Variants in ADGRE1 observed in about 807,000 individuals in gnomAD.
ADGRE1 encodes adhesion G protein-coupled receptor E1, also known as EGF-like module receptor 1.
A neutral mutation model predicts 102.7 loss-of-function variants in ADGRE1; 82 were observed. The observed-to-expected ratio is 0.80, with a 90% CI of 0.67 to 0.96. The LOEUF (loss-of-function observed/expected upper bound fraction) is 0.96. ADGRE1 is among the 40% of genes least tolerant of loss of function. ADGRE1 has a pLI of 0.00. For synonymous variants in ADGRE1, 398 were observed against 399.6 expected (o/e 1.00, Z 0.05); for missense variants, 1,032 against 1,085.3 (o/e 0.95, Z 0.69).
intron 5 of ADGRE1, chr19:6,898,511 G>A: frequency 6.4e-7 from 1 of 1,558,602 alleles, no homozygotes; most frequent in Non-Finnish European, 8.8e-7. Context: ...ATATCTATCA[G>A]TGGGGTGAGT....
At chr19:6,932,671 C>T (rs1975212714) in intron 17 of ADGRE1, among the ~76,000 whole-genome samples, 1 of 152,048 alleles carries the variant, frequency 6.6e-6, no homozygotes, top group Non-Finnish European at 1.5e-5. Context: ...CTGAGCCTGA[C>T]ACCTCAGATC....
intron 3 of ADGRE1, chr19:6,896,751 G>T: frequency 1.8e-6 from 1 of 561,436 alleles, no homozygotes; most frequent in African/African-American, 2.0e-5. Context: ...GCTAGCTAGT[G>T]TTGCTAGCAA....
chr19:6,934,926 G>T (rs2145033777), intron 17 of ADGRE1, 61 bp from the exon 18 acceptor site: 1 of 1,220,818 alleles, frequency 8.2e-7, no homozygotes, highest in Admixed American at 2.5e-5. Context: ...CTTTTTATAG[G>T]TGTTCTGGCC....
intron 16 of ADGRE1, 22 bp downstream of exon 16, chr19:6,926,623 C>G: frequency 6.2e-7 from 1 of 1,610,974 alleles, no homozygotes; most frequent in Non-Finnish European, 8.5e-7. Context: ...CCTCTCTCTT[C>G]CTGAAGACCC....
rs115125698 is a variant in ADGRE1 at position 6,916,576 on chromosome 19, C to T, written c.1420+208C>T. Among the ~76,000 whole-genome samples the T allele has an allele frequency of 2.5e-3, 382 of 151,622 alleles. 1 individual carries two copies. Among genetic ancestry groups the T allele is most frequent in the African/African-American group, 8.9e-3 (367 of 41,452 alleles). On this transcript the variant is annotated intron_variant, in intron 12 of 20. Transcript: ENST00000312053. ...CTGGAGTACTGAGACCTTCACTGGC[C>T]TATATGATATGTGCTGGTCACATTC...
intron 11 of ADGRE1, among the ~76,000 whole-genome samples, chr19:6,915,469 A>G (rs1476432893): frequency 1.3e-5 from 2 of 152,154 alleles, no homozygotes; most frequent in African/African-American, 4.8e-5. Context: ...AGAGATGAGA[A>G]ATTGGAGGCA....
intron 7 of ADGRE1, 35 bp from the exon 8 acceptor site, chr19:6,904,001 T>A (rs751350979): frequency 6.2e-7 from 1 of 1,614,118 alleles, no homozygotes; most frequent in Non-Finnish European, 8.5e-7. Flanking sequence ...CTCTTTGCTC[T>A]TCTGGGTTTC....
intron 19 of ADGRE1, 43 bp from the exon 20 acceptor site, chr19:6,937,501 T>C: frequency 6.6e-7 from 1 of 1,521,556 alleles, no homozygotes; most frequent in East Asian, 2.6e-5. Flanking sequence ...TCCCTGTCAC[T>C]GGACCATTTC....
At chr19:6,938,773 T>TTTTC (rs139519526) in intron 20 of ADGRE1, among the ~76,000 whole-genome samples, 26 of 145,678 alleles carry the variant, frequency 1.8e-4, no homozygotes, top group African/African-American at 5.4e-4. Flanking sequence ...CTATTTTCTT[T>TTTTC]TTTCTTTCTT....
rs547197029 is a variant in ADGRE1, at chr19:6,937,782, G to A, written c.2655+134G>A. ...ACCCTAGTTAGCTCATGGATGAAGT[G>A]TGGAGTTGAAGACTGGGGATTTATA... On this transcript the variant is annotated intron_variant, in intron 20 of 20. Transcript: ENST00000312053. The A allele has an allele frequency of 1.5e-3, 1,035 of 673,890 alleles. 9 individuals carry two copies. Among genetic ancestry groups the A allele is most frequent in the African/African-American group, 0.015 (839 of 56,044 alleles). The allele number at this position is 673,890 out of a possible 1,614,324, so 41.7% of individuals were successfully genotyped here. A position where few individuals can be genotyped will look rare whatever the true frequency, so the allele number is the denominator to read the frequency against.
At chr19:6,898,904 G>T (rs1322709079) in intron 5 of ADGRE1, among the ~76,000 whole-genome samples, 3 of 151,926 alleles carry the variant, frequency 2.0e-5, no homozygotes, top group African/African-American at 7.3e-5. Context: ...CACATGGTTT[G>T]GTCTTTTTTA....
In ADGRE1 at chr19:6,940,282, G is replaced by A. The variant is rs1975618343; in HGVS notation, c.*253G>A. 2 of 575,666 alleles carry A rather than the reference G, an allele frequency of 3.5e-6. No individual in the cohort carries two copies. Among genetic ancestry groups the A allele is most frequent in the Non-Finnish European group, 6.2e-6 (2 of 324,200 alleles). 35.7% of individuals were successfully genotyped at this position (575,666 alleles called of 1,614,324 possible). A position where few individuals can be genotyped will look rare whatever the true frequency, so the allele number is the denominator to read the frequency against. ...ACTTCTTCAATTCCAGAGTTTCTGA[G>A]AACAGACCCAAATTCAATGGCATGA... On this transcript the variant is annotated 3_prime_UTR_variant, in exon 21 of 21. Coordinates refer to ENST00000312053, the MANE Select transcript of ADGRE1 (RefSeq NM_001974.5).
intron 5 of ADGRE1, among the ~76,000 whole-genome samples, chr19:6,901,632 C>G (rs896621227): frequency 6.6e-6 from 1 of 152,192 alleles, no homozygotes; most frequent in African/African-American, 2.4e-5. Context: ...TGTTTTGAAA[C>G]TATTTGCCAC....
intron 16 of ADGRE1, 38 bp from the exon 17 acceptor site, chr19:6,928,107 C>CT: frequency 6.2e-7 from 1 of 1,601,068 alleles, no homozygotes; most frequent in Non-Finnish European, 8.5e-7. Context: ...GGTCAGGACT[C>CT]TGAGACAAGC....
chr19:6,896,088 C>T (rs1357707382), intron 2 of ADGRE1: 3 of 228,682 alleles, frequency 1.3e-5, no homozygotes, highest in African/African-American at 4.5e-5. Context: ...ACTCTGATCC[C>T]GGTTTGCACT....
chr19:6,902,055 A>C (rs751741117), intron 6 of ADGRE1, 34 bp downstream of exon 6: 1 of 1,612,118 alleles, frequency 6.2e-7, no homozygotes, highest in African/African-American at 1.3e-5. Context: ...AGTCAGGTCC[A>C]AGTCTGTTTG....
At chr19:6,930,160 A>C (rs938192283) in intron 17 of ADGRE1, among the ~76,000 whole-genome samples, 1 of 152,194 alleles carries the variant, frequency 6.6e-6, no homozygotes, top group African/African-American at 2.4e-5. Flanking sequence ...TATCTGCCTA[A>C]ATAAATCTTT....
intron 18 of ADGRE1, among the ~76,000 whole-genome samples, chr19:6,936,626 G>A: frequency 7.8e-6 from 1 of 127,648 alleles, no homozygotes; most frequent in Non-Finnish European, 1.7e-5. Flanking sequence ...GCAAATCCTT[G>A]TTTTTTTTTT....
chr19:6,929,335 G>T (rs1599763758), intron 17 of ADGRE1, among the ~76,000 whole-genome samples: 1 of 152,106 alleles, frequency 6.6e-6, no homozygotes, highest in African/African-American at 2.4e-5. Context: ...TTGAGGGGGC[G>T]GTGTCTGATT....
Sources: gnomAD v4.1 joint callset for allele counts (sites outside exome capture counted in the v4.1 genomes callset) on GRCh38, gnomAD v4.1.1 for gene constraint, MANE v1.5 for transcripts, NCBI Gene and HGNC (gene_info 2026-07-23, HGNC 2026-07-21) for gene names.